The following GPATCH2 variants were observed in gnomAD, a reference collection of about 807,000 sequenced individuals.
The protein encoded by GPATCH2 is G patch domain-containing protein 2.
A neutral mutation model predicts 58.0 loss-of-function variants in GPATCH2; 51 were observed. The ratio of observed to expected loss-of-function variants is 0.88; its 90% CI spans 0.70 to 1.11. The LOEUF (loss-of-function observed/expected upper bound fraction) is 1.11, where lower values mean the gene tolerates loss of function less well. GPATCH2 is among the 50% of genes most tolerant of loss of function. The pLI, the probability that GPATCH2 is intolerant of heterozygous loss-of-function variation, is 0.00. For synonymous variants in GPATCH2, 222 were observed against 218.5 expected (o/e 1.02, Z -0.14); for missense variants, 625 against 652.2 (o/e 0.96, Z 0.45).
At chr1:217,564,538 C>G (rs1196248636) in intron 5 of GPATCH2, among the ~76,000 whole-genome samples, 1 of 152,178 alleles carries the variant, frequency 6.6e-6, no homozygotes, top group Non-Finnish European at 1.5e-5. Flanking sequence ...ATCACCGAGT[C>G]AAGGCTTACC....
intron 5 of GPATCH2, among the ~76,000 whole-genome samples, chr1:217,540,954 A>G (rs1456831432): frequency 1.3e-5 from 2 of 152,210 alleles, no homozygotes; most frequent in Admixed American, 6.5e-5. Context: ...TGGAGACTCA[A>G]TGAGAGTACA....
intron 9 of GPATCH2, among the ~76,000 whole-genome samples, chr1:217,438,183 T>C (rs12138908): frequency 0.046 from 7,000 of 152,036 alleles, 264 homozygotes; most frequent in African/African-American, 0.1. Context: ...AGGAATAGCA[T>C]CAACATCAAC....
At chr1:217,523,864 C>A (rs1663633030) in intron 5 of GPATCH2, among the ~76,000 whole-genome samples, 1 of 148,708 alleles carries the variant, frequency 6.7e-6, no homozygotes, top group African/African-American at 2.5e-5. Context: ...GACCCCCACA[C>A]CTCCCTCCCG....
chr1:217,617,919 A>G (rs1370008526), intron 2 of GPATCH2, among the ~76,000 whole-genome samples: 2 of 152,134 alleles, frequency 1.3e-5, no homozygotes, highest in African/African-American at 2.4e-5. Context: ...CATATCCATT[A>G]CCAGTTACAT....
chr1:217,435,214 T>C (rs1358068646), intron 9 of GPATCH2, among the ~76,000 whole-genome samples: 3 of 152,210 alleles, frequency 2.0e-5, no homozygotes, highest in Non-Finnish European at 4.4e-5. Context: ...TAGAAGGCTC[T>C]CCTGCTCAGG....
intron 6 of GPATCH2, among the ~76,000 whole-genome samples, chr1:217,500,064 C>T (rs922137557): frequency 6.6e-6 from 1 of 152,052 alleles, no homozygotes; most frequent in African/African-American, 2.4e-5. Context: ...ATTGTAAATA[C>T]AGACATTATT....
intron 5 of GPATCH2, among the ~76,000 whole-genome samples, chr1:217,521,528 A>T (rs1313847815): frequency 6.6e-6 from 1 of 152,046 alleles, no homozygotes; most frequent in Non-Finnish European, 1.5e-5. Context: ...TTTTAAGTAT[A>T]TGCAATGCAG....
At chr1:217,495,049 C>G in intron 7 of GPATCH2, 1 of 636,962 alleles carries the variant, frequency 1.6e-6, no homozygotes, top group Non-Finnish European at 2.0e-6. Flanking sequence ...TTAGGCCAAA[C>G]GAAGATACAA....
At chr1:217,599,421 G>A (rs183411391) in intron 5 of GPATCH2, among the ~76,000 whole-genome samples, 31 of 152,190 alleles carry the variant, frequency 2.0e-4, no homozygotes, top group Admixed American at 3.3e-4. Context: ...GAAAAGAAGG[G>A]GCTGCTATGA....
At chr1:217,482,711 T>A (rs927341072) in intron 8 of GPATCH2, among the ~76,000 whole-genome samples, 1 of 152,090 alleles carries the variant, frequency 6.6e-6, no homozygotes, top group African/African-American at 2.4e-5. Flanking sequence ...TAAAAAAAAA[T>A]AGTTTGAAGA....
intron 5 of GPATCH2, among the ~76,000 whole-genome samples, chr1:217,573,039 A>C (rs1047944175): frequency 6.6e-6 from 1 of 152,242 alleles, no homozygotes; most frequent in African/African-American, 2.4e-5. Context: ...AGTCCGACAC[A>C]AAAGTTCATA....
chr1:217,540,270 T>A (rs192865572), intron 5 of GPATCH2, among the ~76,000 whole-genome samples: 1 of 152,056 alleles, frequency 6.6e-6, no homozygotes, highest in Non-Finnish European at 1.5e-5. Context: ...GAACAGGAAG[T>A]AAGACCCACA....
chr1:217,428,140 A>G lies in GPATCH2; in HGVS notation c.*3005T>C, dbSNP rs1373937848. 2 of 152,184 alleles carry G rather than the reference A, an allele frequency of 1.3e-5. No individual in the cohort carries two copies. Among genetic ancestry groups the G allele is most frequent in the African/African-American group, 2.4e-5 (1 of 41,454 alleles). The allele number at this position is 152,184 out of a possible 1,614,324, so 9.4% of individuals were successfully genotyped here. A position where few individuals can be genotyped will look rare whatever the true frequency, so the allele number is the denominator to read the frequency against. ...CACAGTCTGGTCATTATCAAGTATA[A>G]CAAATTTTTTAAACAGTCAAGTTGC... On this transcript the variant is annotated 3_prime_UTR_variant, in exon 10 of 10. Transcript: ENST00000366935.
chr1:217,610,908 C>T lies in GPATCH2; in HGVS notation c.999G>A (p.Met333Ile). Reference protein sequence around the residue: ...ESILTGSFPLMSHPSRRGFQA... With the variant: ...ESILTGSFPLISHPSRRGFQA... ...ACTGACCTCTTCTGCTTGGGTGTGACATAAGGGGAAAAGAACCAGTTAAGA... is the reference window on the plus strand; with the variant it reads ...ACTGACCTCTTCTGCTTGGGTGTGATATAAGGGGAAAAGAACCAGTTAAGA... The change falls in exon 4 of 10, where the codon ATG becomes ATA. Residue 333 changes from methionine (M) to isoleucine (I), a missense_variant. Transcript: ENST00000366935. 1 of 1,612,448 alleles carries T rather than the reference C, an allele frequency of 6.2e-7. No homozygotes were observed. Among genetic ancestry groups the T allele is most frequent in the Non-Finnish European group, 8.5e-7 (1 of 1,179,146 alleles).
At chr1:217,584,364 T>TATATATATACAC (rs1226981154) in intron 5 of GPATCH2, among the ~76,000 whole-genome samples, 1,795 of 120,564 alleles carry the variant, frequency 0.015, 51 homozygotes, top group African/African-American at 0.05. Flanking sequence ...TATATATATA[T>TATATATATACAC]ACACACACAC....
At chr1:217,516,630 C>G (rs576965364) in intron 5 of GPATCH2, among the ~76,000 whole-genome samples, 3 of 152,304 alleles carry the variant, frequency 2.0e-5, no homozygotes, top group African/African-American at 7.2e-5. Flanking sequence ...GGTTCATGAT[C>G]ACATTATCTC....
At chr1:217,503,367 G>C (rs1056409715) in intron 6 of GPATCH2, among the ~76,000 whole-genome samples, 1 of 152,064 alleles carries the variant, frequency 6.6e-6, no homozygotes, top group African/African-American at 2.4e-5. Flanking sequence ...CTTTCTAGAA[G>C]TTTGGCTTTC....
chr1:217,490,528 G>A (rs568739230), intron 8 of GPATCH2, among the ~76,000 whole-genome samples: 2 of 151,972 alleles, frequency 1.3e-5, no homozygotes, highest in South Asian at 4.1e-4. Context: ...TGTCTCTTAA[G>A]TACTCCTTCA....
At chr1:217,505,044 A>G (rs12408807) in intron 6 of GPATCH2, among the ~76,000 whole-genome samples, 93 of 152,316 alleles carry the variant, frequency 6.1e-4, no homozygotes, top group Middle Eastern at 3.4e-3. Flanking sequence ...GGAGAGACTA[A>G]CAGTGGTAGA....
Sources: allele counts gnomAD v4.1 joint callset (sites outside exome capture counted in the v4.1 genomes callset), GRCh38; gene constraint gnomAD v4.1.1; transcripts MANE v1.5; gene names NCBI Gene and HGNC (gene_info 2026-07-23, HGNC 2026-07-21).